The following PFKP variants were observed in gnomAD, a reference collection of about 807,000 sequenced individuals.
PFKP encodes ATP-dependent 6-phosphofructokinase, platelet type.
A neutral mutation model predicts 94.3 loss-of-function variants in PFKP; 101 were observed. That is an observed-to-expected ratio of 1.07 (90% CI 0.91 to 1.26). The LOEUF is 1.26. Among genes scored for constraint, PFKP ranks in the 50% most tolerant of loss-of-function variants. The pLI is 0.00. For synonymous variants in PFKP, 573 were observed against 432.6 expected (o/e 1.32, Z -4.03); for missense variants, 1,145 against 1,103.3 (o/e 1.04, Z -0.53).
At position 3,101,356 on chromosome 10, in the gene PFKP, C is replaced by T; in HGVS notation, c.265-9C>T. ...TGAGAGGAGATAAATTAGCTGGTGT[C>T]TTTCCCAGGGCGGGACGATCATTGG... is the stretch of plus-strand genomic sequence containing the variant. On this transcript the variant is annotated splice_polypyrimidine_tract_variant and intron_variant, in intron 3 of 21. Transcript: ENST00000381125. The T allele has an allele frequency of 1.9e-6, 3 of 1,571,054 alleles. No individual in the cohort carries two copies. The highest frequency in any genetic ancestry group is 2.6e-6 in the Non-Finnish European group (3 of 1,157,882).
At chr10:3,131,929 CTG>C (rs1281265036) in intron 17 of PFKP, among the ~76,000 whole-genome samples, 1 of 152,108 alleles carries the variant, frequency 6.6e-6, no homozygotes, top group African/African-American at 2.4e-5. Flanking sequence ...CTTAAGAAAT[CTG>C]TGTATGAATG....
chr10:3,118,720 C>A (rs958146826), intron 14 of PFKP, 62 bp from the exon 15 acceptor site: 3 of 1,194,842 alleles, frequency 2.5e-6, no homozygotes, highest in East Asian at 2.4e-5. Context: ...ACCGGCGTGG[C>A]GTCCTGCGGA....
chr10:3,136,146 C>A (rs1360663647), intron 21 of PFKP, among the ~76,000 whole-genome samples: 13 of 152,132 alleles, frequency 8.5e-5, no homozygotes, highest in Admixed American at 8.5e-4. Context: ...CACCTGTAGT[C>A]CCAGCTACTC....
intron 7 of PFKP, among the ~76,000 whole-genome samples, chr10:3,105,966 C>T (rs1384562625): frequency 1.3e-5 from 2 of 152,226 alleles, no homozygotes; most frequent in African/African-American, 4.8e-5. Flanking sequence ...GGAAGGACGA[C>T]GGGGACAGCA....
chr10:3,079,890 C>T (rs1832912303), intron 1 of PFKP, among the ~76,000 whole-genome samples: 1 of 152,102 alleles, frequency 6.6e-6, no homozygotes, highest in Non-Finnish European at 1.5e-5. Flanking sequence ...GAGGACCTTC[C>T]ACAGGTGTGA....
At chr10:3,069,610 C>T (rs1012059681) in intron 1 of PFKP, among the ~76,000 whole-genome samples, 4 of 152,004 alleles carry the variant, frequency 2.6e-5, no homozygotes, top group South Asian at 2.1e-4. Flanking sequence ...GGGCCTTGTA[C>T]GGTGGCTCAT....
chr10:3,100,591 C>T (rs1004327097), intron 3 of PFKP, among the ~76,000 whole-genome samples: 4 of 152,144 alleles, frequency 2.6e-5, no homozygotes, highest in South Asian at 2.1e-4. Flanking sequence ...GGGAGAGCTT[C>T]GCCTCCAGTG....
At chr10:3,135,370 G>T (rs1360454248) in intron 20 of PFKP, among the ~76,000 whole-genome samples, 1 of 152,232 alleles carries the variant, frequency 6.6e-6, no homozygotes, top group African/African-American at 2.4e-5. Context: ...TTTCTACAGC[G>T]ATTTTCTTTT....
chr10:3,091,976 G>A (rs1475715737), intron 2 of PFKP, among the ~76,000 whole-genome samples: 1 of 152,096 alleles, frequency 6.6e-6, no homozygotes, highest in Non-Finnish European at 1.5e-5. Flanking sequence ...ACATTCAAAA[G>A]GTGTCAGATA....
chr10:3,110,708 C>G (rs530911043), intron 10 of PFKP, among the ~76,000 whole-genome samples: 23 of 151,896 alleles, frequency 1.5e-4, no homozygotes, highest in Non-Finnish European at 7.4e-5. Flanking sequence ...AGGCTTGTGT[C>G]TCTGTGTGTA....
In PFKP at chr10:3,136,792, T is replaced by C; in HGVS notation, c.*213T>C. ...GAGCAGAATTAATTAAACATTTGCCTATGACTCCAACAGTCCTCTGTTTTA... is the reference window on the plus strand; with the variant it reads ...GAGCAGAATTAATTAAACATTTGCCCATGACTCCAACAGTCCTCTGTTTTA... On this transcript the variant is annotated 3_prime_UTR_variant, in exon 22 of 22. Transcript: ENST00000381125. 2 of 471,078 alleles carry C rather than the reference T, an allele frequency of 4.2e-6. No homozygotes were observed. Among genetic ancestry groups the C allele is most frequent in the East Asian group, 4.0e-5 (1 of 25,024 alleles). 29.2% of individuals were successfully genotyped at this position (471,078 alleles called of 1,614,324 possible).
In PFKP at chr10:3,075,591, A is replaced by G. The variant is rs114087910; in HGVS notation, c.113-6797A>G. Among the ~76,000 whole-genome samples the G allele has an allele frequency of 8.5e-3, 1,234 of 144,498 alleles. 11 individuals carry two copies. Among genetic ancestry groups the G allele is most frequent in the African/African-American group, 0.031 (1,177 of 38,318 alleles). The allele number at this position is 144,498 out of a possible 152,430, so 94.8% of individuals were successfully genotyped here. ...ATGATCTAGTTGCCGCATTAAAGAA[A>G]GGCGGGGCAGGGGGCCGGGAGTGGG... On this transcript the variant is annotated intron_variant, in intron 1 of 21. Coordinates refer to ENST00000381125, the MANE Select transcript of PFKP (RefSeq NM_002627.5).
At chr10:3,095,464 C>T (rs932640680) in intron 2 of PFKP, among the ~76,000 whole-genome samples, 97 of 152,216 alleles carry the variant, frequency 6.4e-4, no homozygotes, top group Admixed American at 6.3e-3. Flanking sequence ...GTAAAAAATT[C>T]TGTCCGACGA....
chr10:3,108,120 C>A, intron 8 of PFKP: 1 of 841,332 alleles, frequency 1.2e-6, no homozygotes, highest in Non-Finnish European at 1.7e-6. Flanking sequence ...GATTTTATTT[C>A]CCGCTTAACT....
intron 1 of PFKP, among the ~76,000 whole-genome samples, chr10:3,068,992 G>C (rs966953237): frequency 1.3e-5 from 2 of 151,576 alleles, no homozygotes; most frequent in African/African-American, 4.8e-5. Flanking sequence ...GCGCGGGGCG[G>C]GCGCGGGTGC....
At chr10:3,091,819 T>G (rs1353960639) in intron 2 of PFKP, among the ~76,000 whole-genome samples, 1 of 152,140 alleles carries the variant, frequency 6.6e-6, no homozygotes, top group Non-Finnish European at 1.5e-5. Flanking sequence ...TATCTTAATT[T>G]TTTGTTTGTT....
At chr10:3,067,830 G>T in intron 1 of PFKP, 123 bp downstream of exon 1, 1 of 491,174 alleles carries the variant, frequency 2.0e-6, no homozygotes, top group Non-Finnish European at 3.5e-6. Flanking sequence ...CCGGGGAAAG[G>T]TGGCGAAGCG....
At chr10:3,126,243 C>G (rs560697255) in intron 16 of PFKP, among the ~76,000 whole-genome samples, 1 of 152,178 alleles carries the variant, frequency 6.6e-6, no homozygotes, top group Non-Finnish European at 1.5e-5. Context: ...CCTGTGAGTC[C>G]GAGCCTCAGC....
chr10:3,097,622 G>A (rs190331519), intron 2 of PFKP, among the ~76,000 whole-genome samples: 38 of 152,300 alleles, frequency 2.5e-4, no homozygotes, highest in Non-Finnish European at 5.0e-4. Context: ...GGCTGCCAGC[G>A]CTGAAATGAA....
Sources: allele counts gnomAD v4.1 joint callset (sites outside exome capture counted in the v4.1 genomes callset), GRCh38; gene constraint gnomAD v4.1.1; transcripts MANE v1.5; gene names NCBI Gene and HGNC (gene_info 2026-07-23, HGNC 2026-07-21).